Variants in CCDC171 observed in about 807,000 individuals in gnomAD.
CCDC171 encodes the protein coiled-coil domain-containing protein 171.
CCDC171 carries 177 observed loss-of-function variants against 168.2 expected under a neutral mutation model. That is an observed-to-expected ratio of 1.05 (90% CI 0.93 to 1.19). The LOEUF (loss-of-function observed/expected upper bound fraction) is 1.19, where lower values mean the gene tolerates loss of function less well. CCDC171 is among the 50% of genes most tolerant of loss of function. CCDC171 has a pLI of 0.00. For synonymous variants in CCDC171, 687 were observed against 540.8 expected, an observed-to-expected ratio of 1.27 and a Z score of -3.75; for missense variants, 1,991 against 1,539.0, an observed-to-expected ratio of 1.29 and a Z score of -4.91.
At chr9:15,625,441 T>C (rs921495125) in intron 7 of CCDC171, among the ~76,000 whole-genome samples, 82 of 152,372 alleles carry the variant, frequency 5.4e-4, no homozygotes, top group Admixed American at 3.2e-3. Flanking sequence ...AGGGTTTTTA[T>C]GGTTTTAGGT....
chr9:15,737,511 T>C (rs1282316659), intron 16 of CCDC171, among the ~76,000 whole-genome samples: 2 of 152,178 alleles, frequency 1.3e-5, no homozygotes, highest in African/African-American at 2.4e-5. Context: ...GTAATATTGC[T>C]AATTTTCCAC....
At chr9:15,652,027 G>A (rs2047565898) in intron 7 of CCDC171, among the ~76,000 whole-genome samples, 1 of 152,002 alleles carries the variant, frequency 6.6e-6, no homozygotes, top group Non-Finnish European at 1.5e-5. Context: ...TTCCACTTTA[G>A]CCTCCCAAGT....
intron 6 of CCDC171, among the ~76,000 whole-genome samples, chr9:16,024,599 A>C (rs577899624): frequency 1.6e-3 from 251 of 152,354 alleles, no homozygotes; most frequent in African/African-American, 5.8e-3. Flanking sequence ...ACTGTGTGCT[A>C]CTTTCTTGGA....
chr9:15,954,280 A>C (rs1011694458), intron 25 of CCDC171, among the ~76,000 whole-genome samples: 2 of 150,598 alleles, frequency 1.3e-5, no homozygotes, highest in Non-Finnish European at 3.0e-5. Context: ...TGTCGATTTG[A>C]GATCTTTCTT....
chr9:15,942,556 A>G (rs12684785), intron 25 of CCDC171, among the ~76,000 whole-genome samples: 7,972 of 152,002 alleles, frequency 0.052, 447 homozygotes, highest in African/African-American at 0.13. Flanking sequence ...AGTGCCTAGC[A>G]TACTACTGGA....
chr9:15,916,498 A>C (rs1465062982), intron 24 of CCDC171, among the ~76,000 whole-genome samples: 1 of 152,048 alleles, frequency 6.6e-6, no homozygotes, highest in Non-Finnish European at 1.5e-5. Context: ...TTACTCAAAA[A>C]TGTAGATAAA....
chr9:15,738,928 G>T (rs2054666621), intron 16 of CCDC171, among the ~76,000 whole-genome samples: 1 of 152,066 alleles, frequency 6.6e-6, no homozygotes, highest in South Asian at 2.1e-4. Flanking sequence ...CAAAGTCAGG[G>T]ATGATTTTAT....
intron 25 of CCDC171, among the ~76,000 whole-genome samples, chr9:15,964,990 T>G (rs1830661332): frequency 6.6e-6 from 1 of 152,166 alleles, no homozygotes; most frequent in South Asian, 2.1e-4. Flanking sequence ...CTCAAACTCG[T>G]GACTTCAGGT....
intron 6 of CCDC171, among the ~76,000 whole-genome samples, chr9:15,607,781 T>C (rs1359716151): frequency 6.6e-6 from 1 of 152,150 alleles, no homozygotes; most frequent in Non-Finnish European, 1.5e-5. Context: ...TTTTTGAGGT[T>C]TGTTAAAGTT....
intron 25 of CCDC171, among the ~76,000 whole-genome samples, chr9:15,957,540 A>C (rs1372479591): frequency 6.6e-6 from 1 of 152,196 alleles, no homozygotes; most frequent in South Asian, 2.1e-4. Flanking sequence ...TGAACAAAAG[A>C]TGCTAATGTT....
At chr9:15,730,173 G>C (rs1332502511) in intron 16 of CCDC171, among the ~76,000 whole-genome samples, 1 of 151,764 alleles carries the variant, frequency 6.6e-6, no homozygotes, top group Non-Finnish European at 1.5e-5. Context: ...TACTCCATTT[G>C]TGGAGGTTCC....
At chr9:15,723,618 G>GA in intron 12 of CCDC171, 63 bp from the exon 13 acceptor site, 1 of 1,230,028 alleles carries the variant, frequency 8.1e-7, no homozygotes, top group Non-Finnish European at 1.2e-6. Flanking sequence ...ACCCATCCTT[G>GA]AAAAATGTAA....
chr9:15,693,898 G>C (rs981606836), intron 10 of CCDC171, among the ~76,000 whole-genome samples: 2 of 151,846 alleles, frequency 1.3e-5, no homozygotes. Context: ...TAAACTTCCT[G>C]TTTCTATTTA....
intron 4 of CCDC171, among the ~76,000 whole-genome samples, chr9:15,586,480 A>T (rs936266392): frequency 6.6e-6 from 1 of 152,210 alleles, no homozygotes; most frequent in East Asian, 1.9e-4. Context: ...ATCCTAAGTC[A>T]GGAGTGGGGA....
chr9:15,645,407 A>G (rs1391903801), intron 7 of CCDC171, among the ~76,000 whole-genome samples: 1 of 152,238 alleles, frequency 6.6e-6, no homozygotes, highest in Admixed American at 6.5e-5. Flanking sequence ...TGAGGAGTTG[A>G]GAGAAGAAGG....
chr9:15,833,273 T>G (rs2060310345), intron 21 of CCDC171, among the ~76,000 whole-genome samples: 1 of 152,170 alleles, frequency 6.6e-6, no homozygotes, highest in Non-Finnish European at 1.5e-5. Context: ...ATTACAGGCA[T>G]GAACCACCAC....
intron 8 of CCDC171, among the ~76,000 whole-genome samples, chr9:15,662,242 A>C (rs1448746205): frequency 3.9e-5 from 6 of 152,060 alleles, no homozygotes; most frequent in African/African-American, 1.4e-4. Context: ...GTGCCACTGC[A>C]CTCCAGCCTG....
At chr9:15,773,971 T>C (rs2057155987) in intron 18 of CCDC171, among the ~76,000 whole-genome samples, 1 of 151,872 alleles carries the variant, frequency 6.6e-6, no homozygotes, top group African/African-American at 2.4e-5. Flanking sequence ...TTAGGCCAGG[T>C]GCGGTGGCTC....
chr9:15,598,200 G>A (rs2042534095), intron 6 of CCDC171, among the ~76,000 whole-genome samples: 2 of 151,992 alleles, frequency 1.3e-5, no homozygotes, highest in Admixed American at 6.6e-5. Context: ...GCTTTTGAAT[G>A]TGTTTGCTCT....
Sources: allele counts gnomAD v4.1 joint callset (sites outside exome capture counted in the v4.1 genomes callset), GRCh38; gene constraint gnomAD v4.1.1; transcripts MANE v1.5; gene names NCBI Gene and HGNC (gene_info 2026-07-23, HGNC 2026-07-21).